Variants in THBS4 observed in about 807,000 individuals in gnomAD.
THBS4 encodes the protein thrombospondin 4, also known as thrombospondin-4.
In THBS4, 90 loss-of-function variants were observed where a neutral mutation model predicts 115.7. The observed-to-expected ratio is 0.78, with a 90% confidence interval of 0.66 to 0.93. The LOEUF (loss-of-function observed/expected upper bound fraction) is 0.93, where lower values mean the gene tolerates loss of function less well. Ranked by LOEUF, THBS4 falls within the 40% of genes least tolerant of loss-of-function variation. The probability of loss-of-function intolerance (pLI) is 0.00; values close to 1 mark genes in which losing one functional copy is unlikely to be tolerated. For synonymous variants in THBS4, 460 were observed against 479.3 expected (o/e 0.96, Z 0.53); for missense variants, 1,087 against 1,232.7 (o/e 0.88, Z 1.77).
chr5:80,012,718 C>T (rs574936182), intron 2 of THBS4, among the ~76,000 whole-genome samples: 1 of 152,270 alleles, frequency 6.6e-6, no homozygotes, highest in Non-Finnish European at 1.5e-5. Flanking sequence ...ATCTGAGTGT[C>T]CCCACACCAA....
chr5:80,045,370 T>C (rs553976181), intron 2 of THBS4, among the ~76,000 whole-genome samples: 2 of 152,192 alleles, frequency 1.3e-5, no homozygotes, highest in Admixed American at 6.5e-5. Flanking sequence ...AGCCTAAGGA[T>C]AGGACATGTC....
chr5:80,040,418 T>TGA, intron 2 of THBS4, 138 bp downstream of exon 2: 1 of 684,828 alleles, frequency 1.5e-6, no homozygotes, highest in Non-Finnish European at 2.4e-6. Flanking sequence ...AATACTGAAT[T>TGA]CTTCTTACTG....
At position 80,080,579 on chromosome 5, in the gene THBS4, C is replaced by CTTTTTTTTTTTTTTTTTTTTTTTTTTTT. The variant is rs67048630; in HGVS notation, c.2684+527_2684+528insTTTTTTTTTTTTTTTTTTTTTTTTTTTT. ...AACTGCATGAGAGCAGCGCTTGTAT[C>CTTTTTTTTTTTTTTTTTTTTTTTTTTTT]TTTTTTTTTTTTTTTTTTTTTTTTT... On this transcript the variant is annotated intron_variant, in intron 20 of 21. Coordinates refer to ENST00000350881, the MANE Select transcript of THBS4 (RefSeq NM_003248.6). Among the ~76,000 whole-genome samples, 36 of 50,496 alleles carry CTTTTTTTTTTTTTTTTTTTTTTTTTTTT rather than the reference C, an allele frequency of 7.1e-4. 8 individuals are homozygous for CTTTTTTTTTTTTTTTTTTTTTTTTTTTT. The highest frequency in any genetic ancestry group is 2.9e-3 in the East Asian group (3 of 1,052). The allele number at this position is 50,496 out of a possible 152,430, so 33.1% of individuals were successfully genotyped here.
In THBS4 at chr5:80,077,094, T is replaced by G. The variant is rs778368455; in HGVS notation, c.2086+46T>G. ...GCTGCACAGCACCCCTGGGCTCCCTTCAGCCAGGCACATGGGGGCACGCCT... is the reference window on the plus strand; with the variant it reads ...GCTGCACAGCACCCCTGGGCTCCCTGCAGCCAGGCACATGGGGGCACGCCT... On this transcript the variant is annotated intron_variant, in intron 16 of 21. Transcript: ENST00000350881. The G allele has an allele frequency of 1.2e-5, 18 of 1,478,990 alleles. No homozygotes were observed. The African/African-American group carries it at 2.5e-4, about 21-fold the overall frequency. 91.6% of individuals were successfully genotyped at this position (1,478,990 alleles called of 1,614,324 possible).
intron 2 of THBS4, among the ~76,000 whole-genome samples, chr5:79,998,619 T>A (rs1270350048): frequency 6.6e-6 from 1 of 152,232 alleles, no homozygotes; most frequent in Non-Finnish European, 1.5e-5. Context: ...TTTTCATGAT[T>A]TTAATATCGT....
chr5:80,042,137 G>A lies in THBS4; in HGVS notation c.292+1857G>A, dbSNP rs536308569. 3.3e-5 allele frequency among the ~76,000 whole-genome samples: 5 copies of A among 152,298 alleles called. No homozygotes were observed. The South Asian group carries it at 8.3e-4, about 25-fold the overall frequency. On this transcript the variant is annotated intron_variant, in intron 2 of 21. Transcript: ENST00000350881. The stretch of plus-strand genomic sequence containing the variant: ...AGGTGTCAGATAATAAAGTGAGTCT[G>A]AGGACATGGCCAGCAGATGGGTCAA...
At chr5:80,000,628 T>C (rs1340330684) in intron 2 of THBS4, among the ~76,000 whole-genome samples, 2 of 152,230 alleles carry the variant, frequency 1.3e-5, no homozygotes, top group South Asian at 2.1e-4. Context: ...TATGCCTTTT[T>C]CTCCATTTGT....
chr5:80,008,273 G>A (rs1250781512), intron 2 of THBS4, among the ~76,000 whole-genome samples: 1 of 152,128 alleles, frequency 6.6e-6, no homozygotes, highest in Non-Finnish European at 1.5e-5. Flanking sequence ...GAGAAACTAA[G>A]GCAAATGTCT....
chr5:80,080,328 C>T (rs1354050004), intron 20 of THBS4: 4 of 447,288 alleles, frequency 8.9e-6, no homozygotes, highest in East Asian at 3.8e-5. Flanking sequence ...GACGACCCAG[C>T]GTTGTGGGGT....
chr5:80,011,724 G>T (rs1396692061), intron 2 of THBS4, among the ~76,000 whole-genome samples: 1 of 152,028 alleles, frequency 6.6e-6, no homozygotes, highest in East Asian at 1.9e-4. Context: ...TGCAGGAAGG[G>T]GCTCCTGAGG....
chr5:80,028,860 G>A (rs1215535229), intron 2 of THBS4, among the ~76,000 whole-genome samples: 2 of 151,874 alleles, frequency 1.3e-5, no homozygotes, highest in African/African-American at 2.4e-5. Context: ...CAGTGTTCCT[G>A]TACCCCCCTC....
In THBS4 at chr5:80,079,233, T is replaced by C. The variant is rs754935082; in HGVS notation, c.2486T>C (p.Val829Ala). 1.2e-5 allele frequency: 19 copies of C among 1,612,510 alleles called. No homozygotes were observed. Among genetic ancestry groups the C allele is most frequent in the South Asian group, 4.4e-5 (4 of 90,852 alleles). Residue 829 changes from valine to alanine, a missense_variant, in exon 19 of 22, where the codon GTT (valine) becomes GCT (alanine). By Grantham distance (64) the Val-to-Ala change is moderately conservative (BLOSUM62 0). Transcript: ENST00000350881. Reference sequence around the variant, plus strand: ...TGGCAAGCCACCCCATTCCGAGCAGTTGCAGAACCTGGCATTCAGCTCAAG... The same window carrying C: ...TGGCAAGCCACCCCATTCCGAGCAGCTGCAGAACCTGGCATTCAGCTCAAG... Reference protein sequence around the residue: ...TYWQATPFRAVAEPGIQLKAV... With the variant: ...TYWQATPFRAAAEPGIQLKAV...
intron 9 of THBS4, 54 bp downstream of exon 9, chr5:80,065,531 G>C (rs1833787011): frequency 1.3e-6 from 2 of 1,536,588 alleles, no homozygotes; most frequent in Non-Finnish European, 1.8e-6. Flanking sequence ...ATTAAAACAA[G>C]TGTATGTTTA....
chr5:80,053,834 G>A (rs1230927370), intron 2 of THBS4, among the ~76,000 whole-genome samples: 4 of 152,144 alleles, frequency 2.6e-5, no homozygotes, highest in Admixed American at 6.5e-5. Context: ...AAAGTGCTGG[G>A]TTTGGGAATG....
chr5:80,008,405 C>T (rs1832057421), intron 2 of THBS4, among the ~76,000 whole-genome samples: 1 of 151,966 alleles, frequency 6.6e-6, no homozygotes. Context: ...GGGCTTCCCA[C>T]ATTATTGTTT....
intron 1 of THBS4, among the ~76,000 whole-genome samples, chr5:79,997,178 T>A (rs999829055): frequency 6.6e-6 from 1 of 152,064 alleles, no homozygotes; most frequent in African/African-American, 2.4e-5. Flanking sequence ...GCTTAAATCC[T>A]AAAATACCAA....
chr5:80,076,225 T>C (rs1160875305), intron 15 of THBS4: 5 of 152,272 alleles, frequency 3.3e-5, no homozygotes, highest in African/African-American at 1.2e-4. Context: ...CTTCTCCCCA[T>C]GGCGTTCAGG....
intron 2 of THBS4, among the ~76,000 whole-genome samples, chr5:80,020,809 C>T (rs1037786646): frequency 9.2e-5 from 14 of 152,184 alleles, no homozygotes; most frequent in Admixed American, 9.2e-4. Flanking sequence ...CTAAGGACTA[C>T]ATGGCATTAC....
At chr5:80,011,382 C>T (rs1832122778) in intron 2 of THBS4, among the ~76,000 whole-genome samples, 1 of 152,080 alleles carries the variant, frequency 6.6e-6, no homozygotes, top group Admixed American at 6.6e-5. Context: ...GAACAGCCAC[C>T]ATAGTTGCCA....
Sources: gnomAD v4.1 joint callset for allele counts (sites outside exome capture counted in the v4.1 genomes callset) on GRCh38, gnomAD v4.1.1 for gene constraint, MANE v1.5 for transcripts, NCBI Gene and HGNC (gene_info 2026-07-23, HGNC 2026-07-21) for gene names.